Variants in SOX5 observed in about 807,000 individuals in gnomAD.
SOX5 encodes the protein transcription factor SOX-5.
Under a neutral mutation model 92.0 loss-of-function variants are expected in SOX5, and 9 were observed. The observed-to-expected ratio is 0.10, with a 90% CI of 0.06 to 0.17. The LOEUF (loss-of-function observed/expected upper bound fraction) is 0.17. Among genes scored for constraint, SOX5 ranks in the 10% least tolerant of loss-of-function variants. The pLI, the probability that SOX5 is intolerant of heterozygous loss-of-function variation, is 1.00. For missense variants in SOX5, 642 were observed against 944.5 expected (o/e 0.68, Z 4.20); for synonymous variants, 344 against 336.3 (o/e 1.02, Z -0.25).
At chr12:24,249,956 A>G (rs1485335964) in intron 3 of SOX5, among the ~76,000 whole-genome samples, 1 of 152,138 alleles carries the variant, frequency 6.6e-6, no homozygotes, top group South Asian at 2.1e-4. Context: ...TATTTAAACC[A>G]CAAGAAAGCC....
At chr12:24,300,284 A>G (rs1003434478) in intron 2 of SOX5, among the ~76,000 whole-genome samples, 6 of 152,214 alleles carry the variant, frequency 3.9e-5, no homozygotes, top group African/African-American at 1.4e-4. Context: ...TTTAAGAATT[A>G]AAGTATACTG....
At chr12:24,290,005 G>T (rs1037783081) in intron 2 of SOX5, among the ~76,000 whole-genome samples, 1 of 152,114 alleles carries the variant, frequency 6.6e-6, no homozygotes, top group African/African-American at 2.4e-5. Context: ...CGGTACAAAC[G>T]CTAATACCTT....
intron 3 of SOX5, among the ~76,000 whole-genome samples, chr12:24,229,173 C>T (rs564028060): frequency 4.5e-4 from 68 of 152,306 alleles, no homozygotes; most frequent in African/African-American, 1.5e-3. Context: ...CAGGCACCGC[C>T]GAGTTTGTGT....
At chr12:23,826,122 C>T (rs940782019) in intron 3 of SOX5, among the ~76,000 whole-genome samples, 1 of 151,940 alleles carries the variant, frequency 6.6e-6, no homozygotes, top group Non-Finnish European at 1.5e-5. Context: ...GTGCTGCACC[C>T]AGTAACTCGT....
chr12:24,408,595 A>C (rs1028864041), intron 1 of SOX5, among the ~76,000 whole-genome samples: 1 of 152,172 alleles, frequency 6.6e-6, no homozygotes, highest in African/African-American at 2.4e-5. Context: ...CAGTTTCTAT[A>C]ATTTCTTCAC....
At chr12:23,887,201 G>A (rs895324869) in intron 2 of SOX5, among the ~76,000 whole-genome samples, 1 of 152,056 alleles carries the variant, frequency 6.6e-6, no homozygotes, top group Admixed American at 6.5e-5. Context: ...GCCCCAAGAG[G>A]CAACATATAA....
At chr12:24,225,535 A>T (rs574919146) in intron 3 of SOX5, among the ~76,000 whole-genome samples, 1 of 152,290 alleles carries the variant, frequency 6.6e-6, no homozygotes, top group East Asian at 1.9e-4. Context: ...AATAATTTCA[A>T]CAATGGCTAA....
At chr12:23,570,922 AAAAAAAAAATATAT>A (rs1463436043) in intron 10 of SOX5, among the ~76,000 whole-genome samples, 9 of 43,142 alleles carry the variant, frequency 2.1e-4, no homozygotes, top group African/African-American at 7.6e-4. Flanking sequence ...AAAAAAAAAA[AAAAAAAAAATATAT>A]ATATATATAT....
chr12:24,145,985 A>T (rs113794770), intron 4 of SOX5, among the ~76,000 whole-genome samples: 2,059 of 152,348 alleles, frequency 0.014, 53 homozygotes, highest in African/African-American at 0.047. Context: ...TGCAAAATAC[A>T]TGAAGCAAAA....
At chr12:23,966,306 G>T (rs1372375217) in intron 4 of SOX5, among the ~76,000 whole-genome samples, 1 of 147,042 alleles carries the variant, frequency 6.8e-6, no homozygotes, top group Non-Finnish European at 1.5e-5. Context: ...AAACAAGTTT[G>T]CTTGTATTTA....
chr12:24,424,165 A>G (rs1966353295), intron 1 of SOX5, among the ~76,000 whole-genome samples: 1 of 152,170 alleles, frequency 6.6e-6, no homozygotes, highest in Non-Finnish European at 1.5e-5. Context: ...TTAGAAAAGG[A>G]TCTTCAGTCT....
At chr12:24,480,503 A>G (rs1437411529) in intron 1 of SOX5, among the ~76,000 whole-genome samples, 2 of 152,168 alleles carry the variant, frequency 1.3e-5, no homozygotes, top group African/African-American at 4.8e-5. Flanking sequence ...TTTGTAAACT[A>G]CCCACCTGAC....
intron 1 of SOX5, among the ~76,000 whole-genome samples, chr12:24,473,761 C>T (rs761134094): frequency 6.6e-6 from 1 of 152,176 alleles, no homozygotes; most frequent in Non-Finnish European, 1.5e-5. Flanking sequence ...GGTCTGGCCT[C>T]TCTAGTCCTT....
At chr12:24,255,167 T>C (rs1280436275) in intron 3 of SOX5, among the ~76,000 whole-genome samples, 1 of 152,130 alleles carries the variant, frequency 6.6e-6, no homozygotes, top group Non-Finnish European at 1.5e-5. Context: ...TTTTTCCTAA[T>C]TGTCCAAATA....
chr12:24,287,590 TC>T lies in SOX5; in HGVS notation c.-173-10279del, dbSNP rs1172420993. On this transcript the variant is annotated intron_variant, in intron 2 of 4. Coordinates refer to the SOX5 transcript ENST00000446891. Reference sequence around the variant, plus strand: ...CATCTTAAAAACAGTGATTCTCAAATCCTTTTTTTTTTTTTTTTTTTTTTTT... The same window carrying T: ...CATCTTAAAAACAGTGATTCTCAAATCTTTTTTTTTTTTTTTTTTTTTTTT... Among the ~76,000 whole-genome samples, 16 of 106,938 alleles carry T rather than the reference TC, an allele frequency of 1.5e-4. No homozygotes were observed. In the South Asian group the frequency reaches 4.9e-3, roughly 33 times the overall value. The allele number at this position is 106,938 out of a possible 152,430, so 70.2% of individuals were successfully genotyped here.
chr12:23,783,577 A>T (rs77683007), intron 3 of SOX5, among the ~76,000 whole-genome samples: 3,098 of 152,304 alleles, frequency 0.02, 45 homozygotes, highest in Middle Eastern at 0.037. Context: ...TCTTGTCTAG[A>T]AGCCTTTATT....
At chr12:23,889,836 AAG>A (rs886679714) in intron 2 of SOX5, among the ~76,000 whole-genome samples, 3 of 152,306 alleles carry the variant, frequency 2.0e-5, no homozygotes, top group African/African-American at 7.2e-5. Context: ...AAATCAAACT[AAG>A]AGATTATATA....
At chr12:24,222,204 TG>T (rs1196335757) in intron 3 of SOX5, among the ~76,000 whole-genome samples, 1 of 152,194 alleles carries the variant, frequency 6.6e-6, no homozygotes, top group Non-Finnish European at 1.5e-5. Flanking sequence ...GTCTCTAAAC[TG>T]GGCCCATGAA....
At chr12:23,853,313 C>T (rs1483003027) in intron 2 of SOX5, among the ~76,000 whole-genome samples, 1 of 151,256 alleles carries the variant, frequency 6.6e-6, no homozygotes, top group Non-Finnish European at 1.5e-5. Context: ...AATGCACCAA[C>T]ATTTAGTTTA....
Sources: gnomAD v4.1 joint callset for allele counts (sites outside exome capture counted in the v4.1 genomes callset) on GRCh38, gnomAD v4.1.1 for gene constraint, MANE v1.5 for transcripts, NCBI Gene and HGNC (gene_info 2026-07-23, HGNC 2026-07-21) for gene names.